ADAMTSL1: variants seen among roughly 807,000 people sequenced by gnomAD.
The protein encoded by ADAMTSL1 is ADAMTS like 1.
A neutral mutation model predicts 201.8 loss-of-function variants in ADAMTSL1; 126 were observed. The observed-to-expected ratio is 0.62, with a 90% CI of 0.54 to 0.72. The LOEUF is 0.72. ADAMTSL1 is among the 30% of genes least tolerant of loss of function. The probability of loss-of-function intolerance (pLI) is 0.00; values close to 1 mark genes in which losing one functional copy is unlikely to be tolerated. For synonymous variants in ADAMTSL1, 1,121 were observed against 903.4 expected, an observed-to-expected ratio of 1.24 and a Z score of -4.32; for missense variants, 2,679 against 2,277.8, an observed-to-expected ratio of 1.18 and a Z score of -3.59.
At chr9:18,477,562 CAGCATGTAT>C (rs1276870115) in intron 1 of ADAMTSL1, among the ~76,000 whole-genome samples, 1 of 152,156 alleles carries the variant, frequency 6.6e-6, no homozygotes, top group Non-Finnish European at 1.5e-5. Flanking sequence ...CCTGTTCCAG[CAGCATGTAT>C]GTCAGTGTGT....
At chr9:18,340,330 A>G (rs1482324351) in intron 2 of ADAMTSL1, among the ~76,000 whole-genome samples, 1 of 152,156 alleles carries the variant, frequency 6.6e-6, no homozygotes, top group Non-Finnish European at 1.5e-5. Flanking sequence ...ATTATCATCT[A>G]TGTACTTACT....
At chr9:18,467,981 G>A (rs982538355) in intron 2 of ADAMTSL1, among the ~76,000 whole-genome samples, 1 of 152,168 alleles carries the variant, frequency 6.6e-6, no homozygotes, top group African/African-American at 2.4e-5. Context: ...AACTGAACTA[G>A]GAATTAGGGG....
At chr9:18,770,049 C>A (rs1360778579) in intron 16 of ADAMTSL1, among the ~76,000 whole-genome samples, 1 of 152,156 alleles carries the variant, frequency 6.6e-6, no homozygotes, top group African/African-American at 2.4e-5. Context: ...GCTCCCACTG[C>A]CCTAAGAAAT....
intron 2 of ADAMTSL1, among the ~76,000 whole-genome samples, chr9:18,510,573 G>A (rs536465164): frequency 4.6e-4 from 70 of 152,114 alleles, no homozygotes; most frequent in African/African-American, 1.7e-3. Flanking sequence ...TTATGATATT[G>A]GAACACTGAT....
intron 2 of ADAMTSL1, among the ~76,000 whole-genome samples, chr9:18,345,404 A>T (rs1489780765): frequency 8.6e-6 from 1 of 116,654 alleles, no homozygotes; most frequent in African/African-American, 3.1e-5. Context: ...AGAATCCTCT[A>T]TTTCAGAAAA....
chr9:18,518,869 G>A (rs1387802506), intron 2 of ADAMTSL1, among the ~76,000 whole-genome samples: 1 of 152,064 alleles, frequency 6.6e-6, no homozygotes, highest in African/African-American at 2.4e-5. Flanking sequence ...CATGATACCT[G>A]GCTAATTTTT....
chr9:18,726,864 T>C (rs1817924897), intron 15 of ADAMTSL1, among the ~76,000 whole-genome samples: 1 of 152,188 alleles, frequency 6.6e-6, no homozygotes, highest in African/African-American at 2.4e-5. Flanking sequence ...AAGCTCATAA[T>C]TCCAGGAACA....
At chr9:18,587,854 T>C (rs1230636297) in intron 4 of ADAMTSL1, among the ~76,000 whole-genome samples, 1 of 152,214 alleles carries the variant, frequency 6.6e-6, no homozygotes, top group Non-Finnish European at 1.5e-5. Flanking sequence ...ATATATACCA[T>C]GTGTCATAAC....
intron 1 of ADAMTSL1, among the ~76,000 whole-genome samples, chr9:17,984,534 T>C (rs1258519616): frequency 6.6e-6 from 1 of 152,154 alleles, no homozygotes; most frequent in African/African-American, 2.4e-5. Flanking sequence ...GACAAGTTAT[T>C]TCCAAATTTT....
chr9:17,945,888 G>T (rs1827448597), intron 1 of ADAMTSL1, among the ~76,000 whole-genome samples: 1 of 151,206 alleles, frequency 6.6e-6, no homozygotes, highest in Admixed American at 6.6e-5. Context: ...AATGGGTGCA[G>T]CACACCAGCA....
chr9:18,222,501 C>T (rs898850417), intron 2 of ADAMTSL1, among the ~76,000 whole-genome samples: 1 of 151,754 alleles, frequency 6.6e-6, no homozygotes, highest in Non-Finnish European at 1.5e-5. Context: ...ATTTGAAATG[C>T]TTTCACTTCA....
At position 18,395,710 on chromosome 9, in the gene ADAMTSL1, T is replaced by G. The variant is rs188881006; in HGVS notation, c.208-109119T>G. Among the ~76,000 whole-genome samples the G allele has an allele frequency of 7.6e-3, 1,151 of 152,302 alleles. 8 individuals are homozygous for G. Among genetic ancestry groups the G allele is most frequent in the South Asian group, 0.014 (68 of 4,830 alleles). ...AAGTGGTCAAAGACCTCTGAGCCTG[T>G]GTATTTGAAACTGACTGGTGATGAA... On this transcript the variant is annotated intron_variant, in intron 2 of 29. Transcript: ENST00000680146.
At chr9:18,160,764 C>T (rs1365545951) in intron 1 of ADAMTSL1, among the ~76,000 whole-genome samples, 1 of 151,442 alleles carries the variant, frequency 6.6e-6, no homozygotes, top group Non-Finnish European at 1.5e-5. Context: ...ACTCTAGCCT[C>T]TGTCTGCCAG....
rs1046524681 is a variant in ADAMTSL1, at chr9:18,702,766, G to GT, written c.1575-3968dup. On this transcript the variant is annotated intron_variant, in intron 13 of 28. Transcript: ENST00000380548. ...AACAGTAGTGTTGCTAACAAAAAGA[G>GT]TTTTTTTTTTTTTCAAGCCGGAGTC... Among the ~76,000 whole-genome samples the GT allele has an allele frequency of 3.5e-3, 516 of 149,206 alleles. 5 individuals are homozygous for GT. The highest frequency in any genetic ancestry group is 0.01 in the African/African-American group (422 of 40,292).
chr9:18,681,733 A>T, intron 11 of ADAMTSL1, 79 bp from the exon 12 acceptor site: 1 of 1,197,472 alleles, frequency 8.4e-7, no homozygotes, highest in Non-Finnish European at 1.1e-6. Flanking sequence ...AACTTAGATT[A>T]AAAGTTTTCG....
At chr9:18,066,526 A>C (rs995391140) in intron 1 of ADAMTSL1, among the ~76,000 whole-genome samples, 2 of 152,280 alleles carry the variant, frequency 1.3e-5, no homozygotes, top group Admixed American at 1.3e-4. Flanking sequence ...AGTGATTATT[A>C]GATGACTAGC....
At chr9:18,302,599 A>G (rs1328711621) in intron 2 of ADAMTSL1, among the ~76,000 whole-genome samples, 2 of 152,210 alleles carry the variant, frequency 1.3e-5, no homozygotes, top group African/African-American at 2.4e-5. Flanking sequence ...AGTACTCTAT[A>G]AATACACACT....
chr9:18,655,702 C>CT (rs1396512495), intron 7 of ADAMTSL1, among the ~76,000 whole-genome samples: 1 of 146,712 alleles, frequency 6.8e-6, no homozygotes, highest in African/African-American at 2.5e-5. Flanking sequence ...ATGCTCTGGT[C>CT]TTTTATTTTT....
At chr9:18,676,091 G>C (rs896836866) in intron 10 of ADAMTSL1, among the ~76,000 whole-genome samples, 184 bp downstream of exon 10, 2 of 152,014 alleles carry the variant, frequency 1.3e-5, no homozygotes, top group African/African-American at 4.8e-5. Context: ...CAGACTGTAA[G>C]CTTATCATTC....
Sources: gnomAD v4.1 joint callset for allele counts (sites outside exome capture counted in the v4.1 genomes callset) on GRCh38, gnomAD v4.1.1 for gene constraint, MANE v1.5 for transcripts, NCBI Gene and HGNC (gene_info 2026-07-23, HGNC 2026-07-21) for gene names.